Variants in GALNT5 observed in about 807,000 individuals in gnomAD.
The protein encoded by GALNT5 is polypeptide N-acetylgalactosaminyltransferase 5, also known as UDP-GalNAc:polypeptide N-acetylgalactosaminyltransferase 5.
GALNT5 carries 72 observed loss-of-function variants against 85.4 expected under a neutral mutation model. The ratio of observed to expected loss-of-function variants is 0.84; its 90% CI spans 0.70 to 1.03. The LOEUF (loss-of-function observed/expected upper bound fraction) is 1.03. GALNT5 is among the 50% of genes least tolerant of loss of function. GALNT5 has a pLI of 0.00. For synonymous variants in GALNT5, 404 were observed against 397.0 expected (o/e 1.02, Z -0.21); for missense variants, 1,137 against 1,135.5 (o/e 1.00, Z -0.02).
At chr2:157,309,836 T>G (rs1044494851) in intron 9 of GALNT5, among the ~76,000 whole-genome samples, 2 of 152,226 alleles carry the variant, frequency 1.3e-5, no homozygotes, top group Non-Finnish European at 2.9e-5. Context: ...TGGTTATTAT[T>G]GAGTTATTCA....
Position 157,300,839 on chromosome 2 carries a change from T to A in GALNT5, c.2279T>A (p.Phe760Tyr), listed in dbSNP as rs908902102. The A allele has an allele frequency of 8.1e-6, 13 of 1,613,908 alleles. No individual in the cohort carries two copies. Among genetic ancestry groups the A allele is most frequent in the Non-Finnish European group, 1.1e-5 (13 of 1,179,994 alleles). ...EVWLDEYKELFYGHGDHLIDQ... is the reference protein window; with the variant it reads ...EVWLDEYKELYYGHGDHLIDQ... ...TGGCTGGATGAGTATAAGGAGCTGT[T>A]CTATGGCCACGGAGACCACCTCATC... Residue 760 changes from phenylalanine to tyrosine, a missense_variant, in exon 7 of 10, where the codon TTC becomes TAC. By Grantham distance (22) the Phe-to-Tyr change is conservative (BLOSUM62 3). Transcript: ENST00000259056.
chr2:157,261,195 T>C (rs1481180810), intron 1 of GALNT5, among the ~76,000 whole-genome samples: 2 of 151,362 alleles, frequency 1.3e-5, no homozygotes, highest in Non-Finnish European at 2.9e-5. Context: ...CTTATTGACC[T>C]GGCAGGCTGC....
chr2:157,258,473 C>A lies in GALNT5; in HGVS notation c.391C>A (p.His131Asn). 2 of 1,605,884 alleles carry A rather than the reference C, an allele frequency of 1.2e-6. No homozygotes were observed. Among genetic ancestry groups the A allele is most frequent in the South Asian group, 1.1e-5 (1 of 89,980 alleles). The stretch of plus-strand genomic sequence containing the variant: ...GGTTGTGCCGTTGTGGCATCCTGCA[C>A]ATCTGCAGACCCTCCCTGTGACTCC... Reference protein sequence around the residue: ...GKVVPLWHPAHLQTLPVTPNK... With the variant: ...GKVVPLWHPANLQTLPVTPNK... The change falls in exon 1 of 10, where the codon CAT (histidine) becomes AAT (asparagine). Residue 131 changes from histidine (H) to asparagine (N), a missense_variant. Coordinates refer to ENST00000259056, the MANE Select transcript of GALNT5 (RefSeq NM_014568.3).
In GALNT5 at chr2:157,311,339, T is replaced by G; in HGVS notation, c.2814T>G (p.Tyr938Ter). The G allele has an allele frequency of 6.2e-7, 1 of 1,601,056 alleles. No individual in the cohort carries two copies. The highest frequency in any genetic ancestry group is 8.5e-7 in the Non-Finnish European group (1 of 1,172,296). ...PYQKWKFEKY[Y>*]EA is the part of the protein sequence containing the mutation. ...AAAAGTGGAAATTTGAAAAATATTA[T>G]GAAGCCTGAAGTGTAACTGATGTTT... The change falls in exon 10 of 10, where the codon TAT becomes TAG. Residue 938 changes from tyrosine to a stop codon, truncating the protein, a stop_gained. Transcript: ENST00000259056. LOFTEE classifies it high-confidence loss of function.
chr2:157,298,886 G>C (rs1683274433), intron 5 of GALNT5: 1 of 152,216 alleles, frequency 6.6e-6, no homozygotes, highest in Non-Finnish European at 1.5e-5. Context: ...ATTCCTGAGC[G>C]CTTGCTTGGA....
At chr2:157,265,087 T>C (rs1682429130) in intron 1 of GALNT5, among the ~76,000 whole-genome samples, 1 of 152,178 alleles carries the variant, frequency 6.6e-6, no homozygotes, top group African/African-American at 2.4e-5. Flanking sequence ...AGCAATGCAG[T>C]GGTGCCTTTT....
In GALNT5 at chr2:157,312,878, CT is replaced by C. The variant is rs1165200603; in HGVS notation, c.*1537del. 6.6e-6 allele frequency: 1 copy of C among 151,952 alleles called. No homozygotes were observed. Among genetic ancestry groups the C allele is most frequent in the African/African-American group, 2.4e-5 (1 of 41,374 alleles). The allele number at this position is 151,952 out of a possible 1,614,324, so 9.4% of individuals were successfully genotyped here. A position where few individuals can be genotyped will look rare whatever the true frequency, so the allele number is the denominator to read the frequency against. ...CTATATTCTTGTTAATATGTTTTTTCTTTTTTTAAATTTAAACTTTTGTTCA... is the reference window on the plus strand; with the variant it reads ...CTATATTCTTGTTAATATGTTTTTTCTTTTTTAAATTTAAACTTTTGTTCA... On this transcript the variant is annotated 3_prime_UTR_variant, in exon 10 of 10. Coordinates refer to ENST00000259056, the MANE Select transcript of GALNT5 (RefSeq NM_014568.3).
chr2:157,313,655 T>A lies in GALNT5; in HGVS notation c.*2307T>A. 1 of 152,118 alleles carries A rather than the reference T, an allele frequency of 6.6e-6. No homozygotes were observed. The highest frequency in any genetic ancestry group is 1.9e-4 in the East Asian group (1 of 5,190). The allele number at this position is 152,118 out of a possible 1,614,324, so 9.4% of individuals were successfully genotyped here. Reference sequence around the variant, plus strand: ...TCCGAAAATAGTTTCCACAAAGAAGTCAACTCTGTTCTGAAAAAAAATGAA... The same window carrying A: ...TCCGAAAATAGTTTCCACAAAGAAGACAACTCTGTTCTGAAAAAAAATGAA... On this transcript the variant is annotated 3_prime_UTR_variant, in exon 10 of 10. Transcript: ENST00000259056.
At chr2:157,286,221 C>T (rs1682967995) in intron 3 of GALNT5, 87 bp downstream of exon 3, 1 of 1,043,134 alleles carries the variant, frequency 9.6e-7, no homozygotes, top group African/African-American at 1.6e-5. Flanking sequence ...GAAAGACCAG[C>T]ACAATGATGC....
In GALNT5 at chr2:157,273,667, A is replaced by AT. The variant is rs1348045190; in HGVS notation, c.1455-10610dup. On this transcript the variant is annotated intron_variant, in intron 1 of 9. Transcript: ENST00000259056. ...TTTTTTTTTTTTTTTTTTGAGACAG[A>AT]TTTTTGCTCTTGTTGCCCAGGCTGG... Among the ~76,000 whole-genome samples, 56 of 37,318 alleles carry AT rather than the reference A, an allele frequency of 1.5e-3. 1 individual carries two copies. The highest frequency in any genetic ancestry group is 0.01 in the African/African-American group (56 of 5,436). The allele number at this position is 37,318 out of a possible 152,430, so 24.5% of individuals were successfully genotyped here.
intron 3 of GALNT5, among the ~76,000 whole-genome samples, 181 bp downstream of exon 3, chr2:157,286,315 G>T (rs1682970255): frequency 1.3e-5 from 2 of 152,104 alleles, no homozygotes; most frequent in Admixed American, 6.5e-5. Context: ...GACACCTATT[G>T]TATATACTTT....
intron 4 of GALNT5, 77 bp downstream of exon 4, chr2:157,295,875 C>A: frequency 1.9e-6 from 2 of 1,027,750 alleles, no homozygotes; most frequent in Non-Finnish European, 1.4e-6. Flanking sequence ...GAGTATATGC[C>A]TAATATGTGT....
At chr2:157,288,684 C>T (rs553728321) in intron 3 of GALNT5, among the ~76,000 whole-genome samples, 30 of 152,050 alleles carry the variant, frequency 2.0e-4, no homozygotes, top group Non-Finnish European at 3.7e-4. Flanking sequence ...TAAGGTGAAG[C>T]CAATGAAGAA....
intron 1 of GALNT5, among the ~76,000 whole-genome samples, chr2:157,283,541 A>C (rs933653744): frequency 6.6e-6 from 1 of 152,206 alleles, no homozygotes; most frequent in African/African-American, 2.4e-5. Context: ...AGTATCAGCA[A>C]GGAAGCCCCG....
At position 157,296,454 on chromosome 2, in the gene GALNT5, G is replaced by C. The variant is rs1374149755; in HGVS notation, c.1938G>C (p.Trp646Cys). Residue 646 changes from tryptophan to cysteine, a missense_variant, in exon 5 of 10, where the codon TGG (tryptophan) becomes TGC (cysteine). By Grantham distance (215) the Trp-to-Cys change is radical. Coordinates refer to ENST00000259056, the MANE Select transcript of GALNT5 (RefSeq NM_014568.3). ...TTGTGTGGCCCATGAACTTTGGTTG[G>C]AGAACAATTCCTCCAGATGTCATTG... is the stretch of plus-strand genomic sequence containing the variant. ...GIFVWPMNFGWRTIPPDVIAK... is the reference protein window; with the variant it reads ...GIFVWPMNFGCRTIPPDVIAK... The C allele has an allele frequency of 2.5e-6, 4 of 1,608,556 alleles. No individual in the cohort carries two copies. The African/African-American group carries it at 4.0e-5, about 16-fold the overall frequency.
At chr2:157,276,585 C>A (rs1430980238) in intron 1 of GALNT5, among the ~76,000 whole-genome samples, 1 of 152,166 alleles carries the variant, frequency 6.6e-6, no homozygotes, top group Non-Finnish European at 1.5e-5. Flanking sequence ...TTATCCATTT[C>A]TTCTAGATTT....
Position 157,286,105 on chromosome 2 carries a change from C to T in GALNT5, c.1712C>T (p.Ala571Val). The change falls in exon 3 of 10, where the codon GCC becomes GTC. Residue 571 changes from alanine (A) to valine (V), a missense_variant. Transcript: ENST00000259056. ...AAAGAGAGACATGGCTTAATAAGGG[C>T]CAGGCTGGCAGGAGCACAGAATGCA... is the stretch of plus-strand genomic sequence containing the variant. Reference protein sequence around the residue: ...RLKERHGLIRARLAGAQNATG... With the variant: ...RLKERHGLIRVRLAGAQNATG... 29 of 1,613,214 alleles carry T rather than the reference C, an allele frequency of 1.8e-5. No individual in the cohort carries two copies. Among genetic ancestry groups the T allele is most frequent in the Non-Finnish European group, 2.4e-5 (28 of 1,179,184 alleles).
Position 157,312,287 on chromosome 2 carries a change from G to T in GALNT5, c.*939G>T, listed in dbSNP as rs993498420. Reference sequence around the variant, plus strand: ...ATAAAAATAATAAAATACTACTTTAGATATAGTAGCATTCACAGGGATGAA... The same window carrying T: ...ATAAAAATAATAAAATACTACTTTATATATAGTAGCATTCACAGGGATGAA... On this transcript the variant is annotated 3_prime_UTR_variant, in exon 10 of 10. Transcript: ENST00000259056. The T allele has an allele frequency of 6.6e-6, 1 of 152,134 alleles. No homozygotes were observed. Among genetic ancestry groups the T allele is most frequent in the East Asian group, 1.9e-4 (1 of 5,182 alleles). 9.4% of individuals were successfully genotyped at this position (152,134 alleles called of 1,614,324 possible). A position where few individuals can be genotyped will look rare whatever the true frequency, so the allele number is the denominator to read the frequency against.
intron 5 of GALNT5, among the ~76,000 whole-genome samples, chr2:157,297,338 T>C (rs968151828): frequency 1.3e-5 from 2 of 152,178 alleles, no homozygotes; most frequent in African/African-American, 2.4e-5. Context: ...GGTTCTACCA[T>C]TTATTGAGCA....
Sources: gnomAD v4.1 joint callset for allele counts (sites outside exome capture counted in the v4.1 genomes callset) on GRCh38, gnomAD v4.1.1 for gene constraint, MANE v1.5 for transcripts, NCBI Gene and HGNC (gene_info 2026-07-23, HGNC 2026-07-21) for gene names.